UPF2: variants seen among roughly 807,000 people sequenced by gnomAD.
The protein encoded by UPF2 is UPF2 regulator of nonsense mediated mRNA decay.
A neutral mutation model predicts 141.4 loss-of-function variants in UPF2; 17 were observed. The observed-to-expected ratio is 0.12, with a 90% confidence interval of 0.08 to 0.18. The LOEUF is 0.18. UPF2 is among the 10% of genes least tolerant of loss of function. UPF2 has a pLI of 1.00. For synonymous variants in UPF2, 540 were observed against 498.0 expected (o/e 1.08, Z -1.12); for missense variants, 1,152 against 1,515.9 (o/e 0.76, Z 3.99).
chr10:11,975,338 T>C (rs1833488991), intron 9 of UPF2, among the ~76,000 whole-genome samples: 1 of 152,176 alleles, frequency 6.6e-6, no homozygotes. Context: ...CACAGAAAAT[T>C]AGAACGGAAA....
chr10:12,004,344 A>G (rs777754313), intron 5 of UPF2, among the ~76,000 whole-genome samples, 186 bp downstream of exon 5: 15 of 152,244 alleles, frequency 9.9e-5, no homozygotes, highest in Non-Finnish European at 2.2e-4. Context: ...CACTGTTAAA[A>G]GTATGTCAAT....
At chr10:11,938,853 G>GTTTTGTTTTTTTTTTTTTTTTTTT (rs1832889729) in intron 18 of UPF2, among the ~76,000 whole-genome samples, 1 of 79,816 alleles carries the variant, frequency 1.3e-5, no homozygotes, top group East Asian at 3.6e-4. Flanking sequence ...TTTTTTTTTT[G>GTTTTGTTTTTTTTTTTTTTTTTTT]TTTTTTTTTT....
chr10:12,034,218 T>G (rs532745136), intron 2 of UPF2, among the ~76,000 whole-genome samples: 1 of 152,330 alleles, frequency 6.6e-6, no homozygotes, highest in South Asian at 2.1e-4. Flanking sequence ...TTCTGTACAA[T>G]GCCTGATAGA....
chr10:11,989,658 T>C (rs141511383), intron 8 of UPF2, among the ~76,000 whole-genome samples: 12 of 152,326 alleles, frequency 7.9e-5, no homozygotes, highest in African/African-American at 2.9e-4. Context: ...GGACACAATG[T>C]TACCCCAATG....
rs796143723 is a variant in UPF2, at chr10:11,938,862, T to G, written c.3379-2150A>C. Among the ~76,000 whole-genome samples the G allele has an allele frequency of 4.1e-3, 325 of 79,842 alleles. 4 individuals are homozygous for G. Among genetic ancestry groups the G allele is most frequent in the African/African-American group, 0.013 (303 of 23,364 alleles). The allele number at this position is 79,842 out of a possible 152,430, so 52.4% of individuals were successfully genotyped here. A position where few individuals can be genotyped will look rare whatever the true frequency, so the allele number is the denominator to read the frequency against. ...AGCAAGTTTTTTTTTTGTTTTTTTT[T>G]TTTTTTTTTTTTTTTTTTTTGGAGA... is the stretch of plus-strand genomic sequence containing the variant. On this transcript the variant is annotated intron_variant, in intron 18 of 21. Transcript: ENST00000357604.
At chr10:12,024,900 C>T (rs563847493) in intron 3 of UPF2, among the ~76,000 whole-genome samples, 37 of 126,818 alleles carry the variant, frequency 2.9e-4, no homozygotes, top group South Asian at 1.1e-3. Flanking sequence ...CACGACTGCA[C>T]TCTAGCCCAG....
At chr10:11,994,742 C>T (rs779041589) in intron 8 of UPF2, among the ~76,000 whole-genome samples, 4 of 151,766 alleles carry the variant, frequency 2.6e-5, no homozygotes, top group Admixed American at 1.3e-4. Context: ...TTTGGGAGGC[C>T]GAGGCGGGTG....
At chr10:11,973,625 T>C (rs1398731359) in intron 9 of UPF2, among the ~76,000 whole-genome samples, 1 of 152,122 alleles carries the variant, frequency 6.6e-6, no homozygotes, top group Non-Finnish European at 1.5e-5. Context: ...TTCCCAACAC[T>C]ATTTATTAAA....
intron 3 of UPF2, among the ~76,000 whole-genome samples, chr10:12,017,430 T>C (rs1266084535): frequency 1.3e-5 from 2 of 152,222 alleles, no homozygotes; most frequent in South Asian, 2.1e-4. Context: ...AACAGTCCTT[T>C]TCCTCACTTT....
intron 4 of UPF2, among the ~76,000 whole-genome samples, chr10:12,009,766 C>T (rs1245732985): frequency 2.0e-5 from 3 of 152,244 alleles, no homozygotes; most frequent in South Asian, 4.2e-4. Context: ...TCCCAGGACA[C>T]AGTACCAGAG....
intron 9 of UPF2, among the ~76,000 whole-genome samples, chr10:11,974,962 T>G (rs1833481804): frequency 6.6e-6 from 1 of 152,224 alleles, no homozygotes; most frequent in Admixed American, 6.5e-5. Context: ...ACTGCCAAGG[T>G]ATATAATTTT....
chr10:12,039,604 T>C (rs1360950789), intron 1 of UPF2, among the ~76,000 whole-genome samples: 8 of 151,694 alleles, frequency 5.3e-5, no homozygotes, highest in Admixed American at 5.3e-4. Context: ...GAACTTACAA[T>C]TATGTCTCTC....
At chr10:12,011,788 A>T (rs879482592) in intron 4 of UPF2, among the ~76,000 whole-genome samples, 44 of 151,860 alleles carry the variant, frequency 2.9e-4, no homozygotes, top group Non-Finnish European at 5.7e-4. Context: ...TCTACTAAAA[A>T]TACAAAATTA....
chr10:11,965,919 T>C (rs546535461), intron 10 of UPF2, among the ~76,000 whole-genome samples: 4 of 152,192 alleles, frequency 2.6e-5, no homozygotes, highest in African/African-American at 7.2e-5. Context: ...GAAAAATTTG[T>C]TATAGAAAAA....
intron 4 of UPF2, among the ~76,000 whole-genome samples, chr10:12,009,817 G>A (rs10795917): frequency 0.38 from 57,448 of 152,092 alleles, 13,086 homozygotes; most frequent in Non-Finnish European, 0.5. Flanking sequence ...AACATTTGCA[G>A]AGTCTCCTTG....
intron 3 of UPF2, among the ~76,000 whole-genome samples, chr10:12,022,026 G>C (rs1187918833): frequency 6.6e-6 from 1 of 152,076 alleles, no homozygotes; most frequent in Non-Finnish European, 1.5e-5. Context: ...TGTAGTCCCA[G>C]CTACTCAGGA....
At position 11,979,789 on chromosome 10, in the gene UPF2, C is replaced by G. The variant is rs1833563488; in HGVS notation, c.1845-624G>C. On this transcript the variant is annotated intron_variant, in intron 8 of 21. Coordinates refer to ENST00000357604, the MANE Select transcript of UPF2 (RefSeq NM_015542.4). The surrounding 1 kb of genome is among the most constrained non-coding windows in gnomAD (Gnocchi z 6.2). ...GTATGGTGGCATGCGCCTGTAGTCA[C>G]AGCTACTCGGGAGGCTAAGGCAGGA... 6.6e-6 allele frequency among the ~76,000 whole-genome samples: 1 copy of G among 152,174 alleles called. No homozygotes were observed. Among genetic ancestry groups the G allele is most frequent in the Admixed American group, 6.5e-5 (1 of 15,272 alleles).
rs1834186452 is a variant in UPF2, at chr10:12,014,590, T to A, written c.1146-406A>T. Among the ~76,000 whole-genome samples, 1 of 152,190 alleles carries A rather than the reference T, an allele frequency of 6.6e-6. No homozygotes were observed. Among genetic ancestry groups the A allele is most frequent in the Non-Finnish European group, 1.5e-5 (1 of 68,032 alleles). On this transcript the variant is annotated intron_variant, in intron 3 of 21. Transcript: ENST00000357604. The surrounding 1 kb of genome is among the most constrained non-coding windows in gnomAD (Gnocchi z 5.0). ...CAATTATTCTTAAACCTCCATGATT[T>A]GAATCAGAAATATCATATTTAACAA... is the stretch of plus-strand genomic sequence containing the variant.
intron 14 of UPF2, among the ~76,000 whole-genome samples, chr10:11,955,029 G>A (rs951880162): frequency 1.3e-5 from 2 of 151,746 alleles, no homozygotes; most frequent in African/African-American, 4.8e-5. Flanking sequence ...AATCATAAAA[G>A]TTATATGCAA....
Sources: allele counts gnomAD v4.1 joint callset (sites outside exome capture counted in the v4.1 genomes callset), GRCh38; gene constraint gnomAD v4.1.1; non-coding constraint Gnocchi (gnomAD v3.1); transcripts MANE v1.5; gene names NCBI Gene and HGNC (gene_info 2026-07-23, HGNC 2026-07-21).